Variants in ELAPOR2 observed in about 807,000 individuals in gnomAD.
ELAPOR2 encodes the protein endosome-lysosome associated apoptosis and autophagy regulator family member 2.
A neutral mutation model predicts 120.7 loss-of-function variants in ELAPOR2; 89 were observed. The observed-to-expected ratio is 0.74, with a 90% CI of 0.62 to 0.88. The LOEUF is 0.88. ELAPOR2 is among the 40% of genes least tolerant of loss of function. The pLI, the probability that ELAPOR2 is intolerant of heterozygous loss-of-function variation, is 0.00. For missense variants in ELAPOR2, 1,134 were observed against 1,251.6 expected (o/e 0.91, Z 1.42); for synonymous variants, 444 against 444.9 (o/e 1.00, Z 0.03).
chr7:87,012,843 AC>A (rs755386161), intron 1 of ELAPOR2, among the ~76,000 whole-genome samples: 10 of 152,218 alleles, frequency 6.6e-5, no homozygotes, highest in Non-Finnish European at 1.5e-4. Context: ...AAGAAAGTTC[AC>A]ACAGCCTGCC....
intron 8 of ELAPOR2, among the ~76,000 whole-genome samples, chr7:86,934,220 C>A (rs1250079468): frequency 6.6e-6 from 1 of 151,934 alleles, no homozygotes; most frequent in Non-Finnish European, 1.5e-5. Context: ...CTCCTTGAGA[C>A]TTTCATAACC....
intron 1 of ELAPOR2, among the ~76,000 whole-genome samples, chr7:86,973,211 G>A (rs778796751): frequency 6.6e-6 from 1 of 152,144 alleles, no homozygotes; most frequent in Non-Finnish European, 1.5e-5. Context: ...CCATTGGCCT[G>A]AGGATAAAGT....
intron 2 of ELAPOR2, among the ~76,000 whole-genome samples, chr7:86,959,134 G>A (rs1439995932): frequency 6.6e-6 from 1 of 152,166 alleles, no homozygotes; most frequent in Admixed American, 6.5e-5. Flanking sequence ...AATTATTAGT[G>A]TATAGAAATG....
At chr7:86,956,925 C>A (rs955581207) in intron 2 of ELAPOR2, among the ~76,000 whole-genome samples, 3 of 152,168 alleles carry the variant, frequency 2.0e-5, no homozygotes, top group African/African-American at 4.8e-5. Context: ...TTCTTATCAT[C>A]CTAAACTTTT....
At position 87,048,996 on chromosome 7, in the gene ELAPOR2, T is replaced by A. The variant is rs938140048; in HGVS notation, c.189+10329A>T. On this transcript the variant is annotated intron_variant, in intron 1 of 21. Transcript: ENST00000450689. The stretch of plus-strand genomic sequence containing the variant: ...ACATTGATTATAACACTGTTTTGAT[T>A]ATACAACAGAAAATTTAAAACAGCC... 2.6e-5 allele frequency among the ~76,000 whole-genome samples: 4 copies of A among 152,326 alleles called. No homozygotes were observed. The South Asian group carries it at 8.3e-4, about 32-fold the overall frequency.
chr7:87,017,964 T>A (rs900351703), intron 1 of ELAPOR2, among the ~76,000 whole-genome samples: 1 of 152,050 alleles, frequency 6.6e-6, no homozygotes, highest in Non-Finnish European at 1.5e-5. Context: ...GATTAATAAT[T>A]GTCATTAACA....
At chr7:86,902,412 T>C (rs967830591) in intron 18 of ELAPOR2, among the ~76,000 whole-genome samples, 3 of 152,020 alleles carry the variant, frequency 2.0e-5, no homozygotes, top group African/African-American at 4.8e-5. Flanking sequence ...CTGACCTCAT[T>C]TGATCCGCCT....
intron 1 of ELAPOR2, among the ~76,000 whole-genome samples, chr7:87,015,657 G>A (rs992630148): frequency 6.6e-6 from 1 of 151,902 alleles, no homozygotes; most frequent in African/African-American, 2.4e-5. Flanking sequence ...GCATGGTGGC[G>A]GGCACCTGTA....
intron 2 of ELAPOR2, among the ~76,000 whole-genome samples, chr7:86,954,067 T>G (rs938187230): frequency 6.6e-6 from 1 of 152,176 alleles, no homozygotes; most frequent in Non-Finnish European, 1.5e-5. Flanking sequence ...TTTATATTAG[T>G]CCGTCCCCAA....
chr7:87,045,321 C>A (rs899572041), intron 1 of ELAPOR2, among the ~76,000 whole-genome samples: 6 of 147,284 alleles, frequency 4.1e-5, no homozygotes, highest in Non-Finnish European at 8.9e-5. Context: ...ATGTTTATTG[C>A]GGCATTATTG....
intron 21 of ELAPOR2, among the ~76,000 whole-genome samples, chr7:86,887,334 AT>A (rs1799741012): frequency 6.6e-6 from 1 of 151,990 alleles, no homozygotes; most frequent in African/African-American, 2.4e-5. Context: ...AAGGGCACAT[AT>A]TTTTCTTATG....
rs557132978 is a variant in ELAPOR2, at chr7:86,939,057, T to C, written c.848-97A>G. On this transcript the variant is annotated intron_variant, in intron 6 of 21. Coordinates refer to ENST00000450689, the MANE Select transcript of ELAPOR2 (RefSeq NM_001142749.3). ...CTTCTACCCAGAAGTGAGGGAGATATATGAACAGTAAGGTCAGCCCAAATC... is the reference window on the plus strand; with the variant it reads ...CTTCTACCCAGAAGTGAGGGAGATACATGAACAGTAAGGTCAGCCCAAATC... 2,171 of 1,358,812 alleles carry C rather than the reference T, an allele frequency of 1.6e-3. 6 individuals are homozygous for C. Among genetic ancestry groups the C allele is most frequent in the Non-Finnish European group, 1.9e-3 (1,910 of 979,808 alleles). The allele number at this position is 1,358,812 out of a possible 1,614,324, so 84.2% of individuals were successfully genotyped here.
intron 18 of ELAPOR2, among the ~76,000 whole-genome samples, chr7:86,905,273 C>CTTTTTTT (rs61483966): frequency 7.1e-6 from 1 of 141,718 alleles, no homozygotes; most frequent in Non-Finnish European, 1.5e-5. Flanking sequence ...GCTATGTTGA[C>CTTTTTTT]TTTTTTTTTT....
At chr7:86,935,993 TC>T (rs1320465028) in intron 8 of ELAPOR2, among the ~76,000 whole-genome samples, 24 of 152,034 alleles carry the variant, frequency 1.6e-4, no homozygotes, top group African/African-American at 5.8e-4. Flanking sequence ...CTTGTAACAC[TC>T]CTATGTCATG....
At chr7:87,042,787 A>T (rs1161312191) in intron 1 of ELAPOR2, among the ~76,000 whole-genome samples, 2 of 152,182 alleles carry the variant, frequency 1.3e-5, no homozygotes, top group Admixed American at 1.3e-4. Context: ...AAATAGAGAC[A>T]CAAAAAACCC....
Position 86,909,796 on chromosome 7 carries a change from A to G in ELAPOR2, c.2359+16T>C, listed in dbSNP as rs1789210558. ...AATAAATGTATGCATGCATATATGA[A>G]CCAAAGGAAGCTTACCTATGAATGT... On this transcript the variant is annotated intron_variant, in intron 16 of 21. Coordinates refer to ENST00000450689, the MANE Select transcript of ELAPOR2 (RefSeq NM_001142749.3). 1 of 1,591,348 alleles carries G rather than the reference A, an allele frequency of 6.3e-7. No homozygotes were observed.
chr7:86,930,492 C>CT (rs900388769), intron 8 of ELAPOR2, among the ~76,000 whole-genome samples: 1 of 151,832 alleles, frequency 6.6e-6, no homozygotes, highest in Admixed American at 6.6e-5. Context: ...CTTTGTCCTG[C>CT]TATATAATTT....
chr7:86,992,080 C>T (rs541480512), intron 1 of ELAPOR2, among the ~76,000 whole-genome samples: 1 of 152,276 alleles, frequency 6.6e-6, no homozygotes, highest in South Asian at 2.1e-4. Context: ...AAAATAGTGT[C>T]ATCAATACAG....
chr7:86,913,826 A>G (rs1789432572), intron 13 of ELAPOR2, among the ~76,000 whole-genome samples: 1 of 152,150 alleles, frequency 6.6e-6, no homozygotes, highest in Admixed American at 6.6e-5. Context: ...GAGTCACTTT[A>G]AGGTCTGGTT....
Sources: allele counts gnomAD v4.1 joint callset (sites outside exome capture counted in the v4.1 genomes callset), GRCh38; gene constraint gnomAD v4.1.1; transcripts MANE v1.5; gene names NCBI Gene and HGNC (gene_info 2026-07-23, HGNC 2026-07-21).